CELF4: variants seen among roughly 807,000 people sequenced by gnomAD.
The protein encoded by CELF4 is CUG-BP- and ETR-3-like factor 4.
In CELF4, 18 loss-of-function variants were observed where a neutral mutation model predicts 59.9. The ratio of observed to expected loss-of-function variants is 0.30; its 90% CI spans 0.21 to 0.45. The LOEUF is 0.45. Ranked by LOEUF, CELF4 falls within the 20% of genes least tolerant of loss-of-function variation. CELF4 has a pLI of 1.00. For missense variants in CELF4, 456 were observed against 689.0 expected (o/e 0.66, Z 3.79); for synonymous variants, 261 against 267.1 (o/e 0.98, Z 0.22).
intron 2 of CELF4, among the ~76,000 whole-genome samples, chr18:37,427,331 G>T (rs1449732652): frequency 2.0e-5 from 3 of 152,104 alleles, no homozygotes; most frequent in Admixed American, 6.5e-5. Flanking sequence ...GAACAACAGG[G>T]GCCCCCTCCC....
At chr18:37,475,928 C>T (rs1236299516) in intron 2 of CELF4, among the ~76,000 whole-genome samples, 3 of 152,194 alleles carry the variant, frequency 2.0e-5, no homozygotes, top group Non-Finnish European at 2.9e-5. Flanking sequence ...CCTTTCGGGG[C>T]ATCCCAGCTC....
chr18:37,365,656 T>G (rs1446968190), intron 2 of CELF4, among the ~76,000 whole-genome samples: 5 of 152,002 alleles, frequency 3.3e-5, no homozygotes, highest in African/African-American at 1.2e-4. Flanking sequence ...CGGCTAATTT[T>G]TGTATTTTTA....
chr18:37,506,869 TTCCA>T (rs1290501509), intron 1 of CELF4, among the ~76,000 whole-genome samples: 1 of 152,220 alleles, frequency 6.6e-6, no homozygotes, highest in Admixed American at 6.5e-5. Context: ...CTAAGCTCCC[TTCCA>T]TCCTCCGTCT....
chr18:37,348,050 C>G (rs2098328502), intron 2 of CELF4, among the ~76,000 whole-genome samples: 1 of 152,190 alleles, frequency 6.6e-6, no homozygotes, highest in Non-Finnish European at 1.5e-5. Flanking sequence ...TGACCCTCCT[C>G]CAGGCCGGGC....
intron 2 of CELF4, among the ~76,000 whole-genome samples, chr18:37,327,284 C>T (rs961030641): frequency 7.2e-5 from 11 of 152,226 alleles, no homozygotes; most frequent in African/African-American, 1.7e-4. Flanking sequence ...GTGCAAGGGG[C>T]CCCTCCCTGT....
In CELF4 at chr18:37,343,887, T is replaced by G. The variant is rs532897711; in HGVS notation, c.370-22006A>C. 7.9e-5 allele frequency among the ~76,000 whole-genome samples: 12 copies of G among 152,276 alleles called. No homozygotes were observed. The South Asian group carries it at 2.5e-3, about 32-fold the overall frequency. On this transcript the variant is annotated intron_variant, in intron 2 of 12. Coordinates refer to ENST00000420428, the MANE Select transcript of CELF4 (RefSeq NM_020180.4). ...AGGCTGTCCACTTCCAACTCTCTGGTACCCCTCACCACGGCTGGTTCTTCC... is the reference window on the plus strand; with the variant it reads ...AGGCTGTCCACTTCCAACTCTCTGGGACCCCTCACCACGGCTGGTTCTTCC...
At chr18:37,385,267 A>G (rs567512867) in intron 2 of CELF4, among the ~76,000 whole-genome samples, 2 of 150,306 alleles carry the variant, frequency 1.3e-5, no homozygotes, top group East Asian at 4.0e-4. Context: ...AGAATCTCGA[A>G]TCGCTTGAAC....
Position 37,406,398 on chromosome 18 carries a change from GTC to G in CELF4, c.369+79125_369+79126del, listed in dbSNP as rs2099389594. 2.0e-5 allele frequency among the ~76,000 whole-genome samples: 3 copies of G among 152,278 alleles called. No individual in the cohort carries two copies. The South Asian group carries it at 6.2e-4, about 32-fold the overall frequency. On this transcript the variant is annotated intron_variant, in intron 2 of 12. Coordinates refer to ENST00000420428, the MANE Select transcript of CELF4 (RefSeq NM_020180.4). ...TAAAAACATGCCTTCTACGGGAAAG[GTC>G]TCTCTGCCTCCCACATACGTCCCTA...
At chr18:37,369,523 A>T (rs2098832675) in intron 2 of CELF4, among the ~76,000 whole-genome samples, 1 of 152,206 alleles carries the variant, frequency 6.6e-6, no homozygotes, top group African/African-American at 2.4e-5. Context: ...CGTATACTTA[A>T]GGGCCAGGCA....
chr18:37,272,056 T>A (rs894506071), intron 7 of CELF4, among the ~76,000 whole-genome samples: 3 of 152,178 alleles, frequency 2.0e-5, no homozygotes, highest in Non-Finnish European at 2.9e-5. Flanking sequence ...AGCCCAGAGA[T>A]GGCACAGTCT....
intron 2 of CELF4, among the ~76,000 whole-genome samples, chr18:37,420,209 G>A (rs1370244271): frequency 6.6e-6 from 1 of 152,216 alleles, no homozygotes; most frequent in African/African-American, 2.4e-5. Flanking sequence ...AGCTGGGAGA[G>A]GCAGTGTGGC....
intron 2 of CELF4, among the ~76,000 whole-genome samples, chr18:37,328,758 C>T (rs550030892): frequency 1.3e-4 from 20 of 152,250 alleles, no homozygotes; most frequent in African/African-American, 4.8e-4. Context: ...TTATGCTCTG[C>T]CCTCCAACCC....
intron 3 of CELF4, among the ~76,000 whole-genome samples, chr18:37,301,652 G>A (rs1054087738): frequency 6.6e-6 from 1 of 152,188 alleles, no homozygotes; most frequent in Non-Finnish European, 1.5e-5. Context: ...GAGATGCAGA[G>A]GTGCTCAGAG....
chr18:37,380,792 A>AATCCATCCATCCATTC (rs148954702), intron 2 of CELF4, among the ~76,000 whole-genome samples: 2 of 134,896 alleles, frequency 1.5e-5, no homozygotes, highest in African/African-American at 5.8e-5. Flanking sequence ...TTTCTCCATG[A>AATCCATCCATCCATTC]ATCCATCCAT....
chr18:37,266,994 G>A (rs2077974868), intron 8 of CELF4, among the ~76,000 whole-genome samples: 1 of 152,144 alleles, frequency 6.6e-6, no homozygotes, highest in Non-Finnish European at 1.5e-5. Flanking sequence ...AAAGGGGAGG[G>A]GGCTGGCAGC....
At chr18:37,355,617 G>A (rs1470081303) in intron 2 of CELF4, among the ~76,000 whole-genome samples, 6 of 149,888 alleles carry the variant, frequency 4.0e-5, no homozygotes, top group African/African-American at 1.5e-4. Flanking sequence ...AGGTTGCAGT[G>A]AGCCGAGATC....
intron 3 of CELF4, among the ~76,000 whole-genome samples, chr18:37,301,507 C>T (rs2096033980): frequency 1.3e-5 from 2 of 152,188 alleles, no homozygotes; most frequent in South Asian, 4.1e-4. Context: ...CAGGTGTCTC[C>T]CTCCATCTGA....
chr18:37,558,561 C>T (rs902199312), intron 1 of CELF4, among the ~76,000 whole-genome samples: 26 of 43,044 alleles, frequency 6.0e-4, no homozygotes, highest in African/African-American at 2.0e-3. Context: ...TTGTGGGGGG[C>T]GGGTGGGGGG....
intron 10 of CELF4, among the ~76,000 whole-genome samples, chr18:37,262,120 C>G (rs2074975778): frequency 1.3e-5 from 2 of 152,222 alleles, no homozygotes; most frequent in Non-Finnish European, 2.9e-5. Context: ...GCCTCCCCAG[C>G]TCTATGTGCT....
Sources: gnomAD v4.1 joint callset for allele counts (sites outside exome capture counted in the v4.1 genomes callset) on GRCh38, gnomAD v4.1.1 for gene constraint, MANE v1.5 for transcripts, NCBI Gene and HGNC (gene_info 2026-07-23, HGNC 2026-07-21) for gene names.